RBFA: variants seen among roughly 807,000 people sequenced by gnomAD.
RBFA encodes ribosome binding factor A.
Under a neutral mutation model 27.9 loss-of-function variants are expected in RBFA, and 16 were observed. The observed-to-expected ratio is 0.57, with a 90% CI of 0.39 to 0.87. The LOEUF is 0.87. Among genes scored for constraint, RBFA ranks in the 40% least tolerant of loss-of-function variants. RBFA has a pLI of 0.00. For synonymous variants in RBFA, 181 were observed against 181.0 expected, an observed-to-expected ratio of 1.00 and a Z score of 0.00; for missense variants, 456 against 432.1, an observed-to-expected ratio of 1.06 and a Z score of -0.49.
chr18:80,035,776 A>G (rs2051974508), intron 1 of RBFA: 1 of 152,176 alleles, frequency 6.6e-6, no homozygotes, highest in Non-Finnish European at 1.5e-5. Context: ...TAATTCATTC[A>G]TATCACCAAG....
rs1472742999 is a variant in RBFA, at chr18:80,045,789, A to G, written c.666A>G (p.Pro222=). The G allele has an allele frequency of 6.6e-7, 1 of 1,517,042 alleles. No individual in the cohort carries two copies. Among genetic ancestry groups the G allele is most frequent in the South Asian group, 1.3e-5 (1 of 74,604 alleles). The allele number at this position is 1,517,042 out of a possible 1,614,324, so 94.0% of individuals were successfully genotyped here. ...TCCTTCCCAGGGACCCTGATGCCCCACAACCCTGCGGCACCACAGAGCCGA... is the reference window on the plus strand; with the variant it reads ...TCCTTCCCAGGGACCCTGATGCCCCGCAACCCTGCGGCACCACAGAGCCGA... ...VQNDFRDPDA[P]QPCGTTEPTT... The change falls in exon 7 of 7, where the codon CCA becomes CCG. Residue 222 remains proline (P), a synonymous_variant. Coordinates refer to ENST00000306735, the MANE Select transcript of RBFA (RefSeq NM_024805.3).
chr18:80,039,278 G>A (rs1415376981), intron 4 of RBFA, among the ~76,000 whole-genome samples: 5 of 152,182 alleles, frequency 3.3e-5, no homozygotes, highest in Non-Finnish European at 2.9e-5. Context: ...GCAGTGAGCC[G>A]TGTTAATGTA....
Position 80,047,644 on chromosome 18 carries a change from T to G in RBFA, c.*1489T>G, listed in dbSNP as rs2052065220. Among the ~76,000 whole-genome samples, 1 of 152,144 alleles carries G rather than the reference T, an allele frequency of 6.6e-6. No homozygotes were observed. The highest frequency in any genetic ancestry group is 1.5e-5 in the Non-Finnish European group (1 of 68,034). On this transcript the variant is annotated 3_prime_UTR_variant, in exon 7 of 7. Transcript: ENST00000306735. ...CCAGTTAAACTAAGAAGAAAGAATT[T>G]AAGGCAATTTGTAAGGATAGACAAA... is the stretch of plus-strand genomic sequence containing the variant.
intron 4 of RBFA, chr18:80,041,161 G>T (rs2052013155): frequency 6.6e-6 from 1 of 152,168 alleles, no homozygotes; most frequent in Admixed American, 6.5e-5. Context: ...GCATATCAGA[G>T]AATGCTTATT....
intron 6 of RBFA, 57 bp downstream of exon 6, chr18:80,044,342 C>A: frequency 6.8e-7 from 1 of 1,465,942 alleles, no homozygotes; most frequent in Non-Finnish European, 9.6e-7. Flanking sequence ...GGTGTGGAAT[C>A]ACCATTTTCC....
intron 5 of RBFA, among the ~76,000 whole-genome samples, chr18:80,042,868 T>C (rs1041797380): frequency 1.3e-5 from 2 of 152,198 alleles, no homozygotes; most frequent in Non-Finnish European, 2.9e-5. Flanking sequence ...GTGCCCCTGT[T>C]CCCAGCCAGG....
chr18:80,048,337 GC>G lies in RBFA; in HGVS notation c.*2188del, dbSNP rs532443530. Reference sequence around the variant, plus strand: ...TGCTCTGAGTGCTTTGTGTTAACCTGCCCCCCGCCCCCTAACTTGGGAAAGG... The same window carrying G: ...TGCTCTGAGTGCTTTGTGTTAACCTGCCCCCGCCCCCTAACTTGGGAAAGG... On this transcript the variant is annotated 3_prime_UTR_variant, in exon 7 of 7. Transcript: ENST00000306735. 2 of 153,584 alleles carry G rather than the reference GC, an allele frequency of 1.3e-5. No individual in the cohort carries two copies. Among genetic ancestry groups the G allele is most frequent in the South Asian group, 2.1e-4 (1 of 4,856 alleles). The allele number at this position is 153,584 out of a possible 1,614,324, so 9.5% of individuals were successfully genotyped here.
In RBFA at chr18:80,036,634, C is replaced by T. The variant is rs2051980816; in HGVS notation, c.159-34C>T. The T allele has an allele frequency of 8.9e-6, 14 of 1,567,392 alleles. No individual in the cohort carries two copies. In the East Asian group the frequency reaches 3.1e-4, roughly 35 times the overall value. Reference sequence around the variant, plus strand: ...AGCTTATGTAACTTTTTGACTTTGCCATCACTAACATAATGCTTATTTTCT... The same window carrying T: ...AGCTTATGTAACTTTTTGACTTTGCTATCACTAACATAATGCTTATTTTCT... On this transcript the variant is annotated intron_variant, in intron 1 of 6. Transcript: ENST00000306735.
chr18:80,041,261 C>T (rs1350065557), intron 4 of RBFA: 1 of 152,174 alleles, frequency 6.6e-6, no homozygotes, highest in Admixed American at 6.5e-5. Flanking sequence ...TCAGAAAATT[C>T]AGTTGAGCTG....
At chr18:80,036,054 A>G (rs1039119739) in intron 1 of RBFA, 8 of 152,246 alleles carry the variant, frequency 5.3e-5, no homozygotes, top group African/African-American at 1.7e-4. Context: ...ATTAGAAACC[A>G]TGGGTGCTGG....
rs764223871 is a variant in RBFA, at chr18:80,034,605, C to T, written c.110C>T (p.Ser37Phe). 6.8e-6 allele frequency: 11 copies of T among 1,609,282 alleles called. No individual in the cohort carries two copies. In the African/African-American group the frequency reaches 9.4e-5, roughly 14 times the overall value. The change falls in exon 1 of 7, where the codon TCT (serine) becomes TTT (phenylalanine). Residue 37 changes from serine to phenylalanine, a missense_variant. Ser to Phe is a radical substitution (Grantham distance 155). Coordinates refer to ENST00000306735, the MANE Select transcript of RBFA (RefSeq NM_024805.3). ...GGCTGCGAGCGGGGACTTCACTGCT[C>T]TGCTGTCTCCTGCAAGAACTGGCTC... is the stretch of plus-strand genomic sequence containing the variant. Reference protein sequence around the residue: ...FPGCERGLHCSAVSCKNWLKK... With the variant: ...FPGCERGLHCFAVSCKNWLKK...
Position 80,034,518 on chromosome 18 carries a change from T to G in RBFA, c.23T>G (p.Leu8Arg). The change falls in exon 1 of 7, where the codon CTG (leucine) becomes CGG (arginine). Residue 8 changes from leucine to arginine, a missense_variant. By Grantham distance (102) the Leu-to-Arg change is moderately radical. Coordinates refer to ENST00000306735, the MANE Select transcript of RBFA (RefSeq NM_024805.3). ...GCCATGTGGGCTGCGGCGGGCGGGCTGTGGCGCTCCCGCGCGGGTCTCCGG... is the reference window on the plus strand; with the variant it reads ...GCCATGTGGGCTGCGGCGGGCGGGCGGTGGCGCTCCCGCGCGGGTCTCCGG... MWAAAGG[L>R]WRSRAGLRAL... 1 of 1,584,378 alleles carries G rather than the reference T, an allele frequency of 6.3e-7. No individual in the cohort carries two copies. The highest frequency in any genetic ancestry group is 1.4e-5 in the African/African-American group (1 of 71,946).
chr18:80,044,174 A>G (rs1568389541), intron 5 of RBFA, 38 bp from the exon 6 acceptor site: 1 of 1,554,752 alleles, frequency 6.4e-7, no homozygotes, highest in Non-Finnish European at 8.9e-7. Context: ...GGTGGTGGGG[A>G]TGTGGCTAAC....
chr18:80,034,719 G>C, intron 1 of RBFA, 66 bp downstream of exon 1: 1 of 1,579,064 alleles, frequency 6.3e-7, no homozygotes. Context: ...CCGGGTTGCG[G>C]TGTCCGCTCA....
intron 3 of RBFA, 147 bp from the exon 4 acceptor site, chr18:80,038,358 G>A (rs2051994614): frequency 5.0e-6 from 3 of 594,782 alleles, no homozygotes; most frequent in Admixed American, 6.1e-5. Flanking sequence ...ACATGGTGCG[G>A]CAGCAGGAGG....
chr18:80,037,280 G>A (rs1276361839), intron 2 of RBFA, 50 bp from the exon 3 acceptor site: 3 of 1,555,300 alleles, frequency 1.9e-6, no homozygotes, highest in Admixed American at 1.7e-5. Flanking sequence ...GACTTGGTGA[G>A]TTTGGAGTTG....
chr18:80,041,622 A>AATTG (rs1306256052), intron 4 of RBFA: 1 of 152,082 alleles, frequency 6.6e-6, no homozygotes, highest in Middle Eastern at 3.2e-3. Context: ...GTTATGATGC[A>AATTG]TTTTGCATCC....
At position 80,045,860 on chromosome 18, in the gene RBFA, A is replaced by G; in HGVS notation, c.737A>G (p.Lys246Arg). Reference protein sequence around the residue: ...LCGIDHEALNKQIMEYKRRKD... With the variant: ...LCGIDHEALNRQIMEYKRRKD... ...GGGATCGATCATGAGGCGCTCAACAAGCAGATTATGGAGTACAAAAGGAGG... is the reference window on the plus strand; with the variant it reads ...GGGATCGATCATGAGGCGCTCAACAGGCAGATTATGGAGTACAAAAGGAGG... Residue 246 changes from lysine (K) to arginine (R), a missense_variant, in exon 7 of 7, where the codon AAG becomes AGG. Transcript: ENST00000306735. 2 of 1,590,396 alleles carry G rather than the reference A, an allele frequency of 1.3e-6. No homozygotes were observed. Among genetic ancestry groups the G allele is most frequent in the African/African-American group, 1.3e-5 (1 of 74,078 alleles).
rs1004439988 is a variant in RBFA at position 80,034,713 on chromosome 18, G to A, written c.158+60G>A. Reference sequence around the variant, plus strand: ...ATTCCCTAGGGGGCGGTGTCCCCGGGTTGCGGTGTCCGCTCATCCGCGTTC... The same window carrying A: ...ATTCCCTAGGGGGCGGTGTCCCCGGATTGCGGTGTCCGCTCATCCGCGTTC... On this transcript the variant is annotated intron_variant, in intron 1 of 6. Transcript: ENST00000306735. The A allele has an allele frequency of 4.4e-6, 7 of 1,582,116 alleles. No homozygotes were observed. The South Asian group carries it at 8.0e-5, about 18-fold the overall frequency.
Sources: allele counts gnomAD v4.1 joint callset (sites outside exome capture counted in the v4.1 genomes callset), GRCh38; gene constraint gnomAD v4.1.1; transcripts MANE v1.5; gene names NCBI Gene and HGNC (gene_info 2026-07-23, HGNC 2026-07-21).